CNKSR2: variants seen among roughly 807,000 people sequenced by gnomAD.
The protein encoded by CNKSR2 is connector enhancer of kinase suppressor of Ras 2.
CNKSR2 carries 14 observed loss-of-function variants against 84.4 expected under a neutral mutation model. The observed-to-expected ratio is 0.17, with a 90% CI of 0.11 to 0.26. The LOEUF is 0.26. Ranked by LOEUF, CNKSR2 falls within the 10% of genes least tolerant of loss-of-function variation. The pLI is 1.00. For synonymous variants in CNKSR2, 275 were observed against 277.9 expected (o/e 0.99, Z 0.10); for missense variants, 485 against 771.2 (o/e 0.63, Z 4.40).
intron 14 of CNKSR2, 99 bp downstream of exon 14, chrX:21,590,719 G>A: frequency 1.2e-6 from 1 of 868,940 alleles, no homozygotes; most frequent in Admixed American, 2.7e-5. Context: ...GCCCAGTGTG[G>A]TTTAGAAGAG....
chrX:21,511,145 A>C (rs1254772043), intron 8 of CNKSR2, among the ~76,000 whole-genome samples: 1 of 111,304 alleles, frequency 9.0e-6, no homozygotes, highest in South Asian at 3.7e-4. Context: ...ATCTATACCC[A>C]CTGTTCTTTT....
At chrX:21,478,908 A>G (rs1007160369) in intron 5 of CNKSR2, among the ~76,000 whole-genome samples, 5 of 111,903 alleles carry the variant, frequency 4.5e-5, no homozygotes, top group Non-Finnish European at 9.4e-5. Flanking sequence ...CAAGGACACT[A>G]TATATTTTTA....
intron 6 of CNKSR2, chrX:21,494,887 A>G (rs778944489): frequency 8.9e-6 from 1 of 111,849 alleles, no homozygotes; most frequent in Non-Finnish European, 1.9e-5. Flanking sequence ...TGTGTTAACC[A>G]TACATTCGCC....
intron 13 of CNKSR2, among the ~76,000 whole-genome samples, chrX:21,567,956 C>G (rs986829017): frequency 9.0e-6 from 1 of 111,598 alleles, no homozygotes; most frequent in East Asian, 2.8e-4. Context: ...TGACAACTTG[C>G]TCTCACATTA....
chrX:21,479,629 A>G (rs905272946), intron 5 of CNKSR2, among the ~76,000 whole-genome samples: 2 of 110,883 alleles, frequency 1.8e-5, no homozygotes, highest in African/African-American at 6.6e-5. Flanking sequence ...GCCCTAAACC[A>G]TGTCCTACAA....
chrX:21,590,925 A>T, intron 14 of CNKSR2, 97 bp from the exon 15 acceptor site: 1 of 760,374 alleles, frequency 1.3e-6, no homozygotes, highest in Non-Finnish European at 1.9e-6. Context: ...AAAAATTTTT[A>T]AGATTTTCAA....
At chrX:21,483,263 G>A (rs900762844) in intron 5 of CNKSR2, among the ~76,000 whole-genome samples, 2 of 111,258 alleles carry the variant, frequency 1.8e-5, no homozygotes, top group African/African-American at 6.5e-5. Flanking sequence ...CACGTCCTTT[G>A]TAGGGACATG....
chrX:21,476,403 A>G (rs2091261153), intron 5 of CNKSR2, among the ~76,000 whole-genome samples: 1 of 111,677 alleles, frequency 9.0e-6, no homozygotes, highest in South Asian at 3.8e-4. Context: ...GTATAAAAGT[A>G]TGTATTTATT....
intron 4 of CNKSR2, among the ~76,000 whole-genome samples, chrX:21,466,851 C>T (rs1008732043): frequency 9.0e-6 from 1 of 111,468 alleles, no homozygotes; most frequent in Non-Finnish European, 1.9e-5. Flanking sequence ...TCCCAAAGTG[C>T]TAGGATTATA....
At chrX:21,582,796 T>TC (rs2092361429) in intron 13 of CNKSR2, among the ~76,000 whole-genome samples, 1 of 111,865 alleles carries the variant, frequency 8.9e-6, no homozygotes, top group African/African-American at 3.3e-5. Flanking sequence ...GGGTATTGAT[T>TC]CATGTTAGCC....
At chrX:21,534,449 C>T (rs749104509) in intron 11 of CNKSR2, among the ~76,000 whole-genome samples, 5 of 110,247 alleles carry the variant, frequency 4.5e-5, no homozygotes, top group Non-Finnish European at 9.5e-5. Flanking sequence ...TGGACCTATA[C>T]CCAGTAATGT....
At chrX:21,633,414 C>T (rs2092656981) in intron 20 of CNKSR2, among the ~76,000 whole-genome samples, 2 of 112,113 alleles carry the variant, frequency 1.8e-5, no homozygotes, top group African/African-American at 6.5e-5. Flanking sequence ...CATAAAGGTG[C>T]CGTAAATTAG....
intron 20 of CNKSR2, among the ~76,000 whole-genome samples, chrX:21,611,816 T>A (rs1177904319): frequency 1.8e-5 from 2 of 111,546 alleles, no homozygotes; most frequent in Non-Finnish European, 3.8e-5. Context: ...GTATTGTACT[T>A]TTTGTCTTTA....
intron 11 of CNKSR2, among the ~76,000 whole-genome samples, chrX:21,557,809 A>T (rs771480514): frequency 9.0e-6 from 1 of 111,534 alleles, no homozygotes; most frequent in African/African-American, 3.2e-5. Context: ...AAGTACTACT[A>T]TGTAAAGATA....
chrX:21,548,824 A>G (rs1160318663), intron 11 of CNKSR2, among the ~76,000 whole-genome samples: 6 of 112,244 alleles, frequency 5.3e-5, no homozygotes, highest in Non-Finnish European at 1.1e-4. Flanking sequence ...CAAAAACCTC[A>G]TGATTTTCTC....
At chrX:21,636,715 G>T (rs1251873546) in intron 20 of CNKSR2, among the ~76,000 whole-genome samples, 2 of 110,887 alleles carry the variant, frequency 1.8e-5, no homozygotes, top group African/African-American at 6.5e-5. Context: ...TAAGATAGAA[G>T]TGGGAAGGAG....
intron 11 of CNKSR2, among the ~76,000 whole-genome samples, chrX:21,560,840 C>T (rs1225750212): frequency 9.0e-6 from 1 of 110,948 alleles, no homozygotes; most frequent in African/African-American, 3.3e-5. Flanking sequence ...ATGGAGCAAA[C>T]CAAAGCAGTG....
At chrX:21,522,899 A>T (rs753790057) in intron 9 of CNKSR2, among the ~76,000 whole-genome samples, 121 of 111,303 alleles carry the variant, frequency 1.1e-3, no homozygotes, top group African/African-American at 3.8e-3. Context: ...GTATTTATAC[A>T]TTCAAACTGA....
chrX:21,429,546 A>G (rs1365949338), intron 2 of CNKSR2: 1 of 111,574 alleles, frequency 9.0e-6, no homozygotes, highest in African/African-American at 3.3e-5. Context: ...CCATCCACTT[A>G]CATGAAAGAA....
Sources: allele counts gnomAD v4.1 joint callset (sites outside exome capture counted in the v4.1 genomes callset), GRCh38; gene constraint gnomAD v4.1.1; transcripts MANE v1.5; gene names NCBI Gene and HGNC (gene_info 2026-07-23, HGNC 2026-07-21).